Variants in PIGN observed in about 807,000 individuals in gnomAD.
The protein encoded by PIGN is phosphatidylinositol glycan anchor biosynthesis class N.
Under a neutral mutation model 125.4 loss-of-function variants are expected in PIGN, and 117 were observed. The ratio of observed to expected loss-of-function variants is 0.93; its 90% CI spans 0.80 to 1.09. PIGN has a LOEUF of 1.09. PIGN is among the 50% of genes least tolerant of loss of function. The pLI, the probability that PIGN is intolerant of heterozygous loss-of-function variation, is 0.00. For synonymous variants in PIGN, 392 were observed against 377.8 expected, an observed-to-expected ratio of 1.04 and a Z score of -0.44; for missense variants, 1,075 against 1,094.9, an observed-to-expected ratio of 0.98 and a Z score of 0.26.
At position 62,133,666 on chromosome 18, in the gene PIGN, T is replaced by C. The variant is rs145953571; in HGVS notation, c.1172+4577A>G. 2.8e-3 allele frequency among the ~76,000 whole-genome samples: 430 copies of C among 152,308 alleles called. 3 individuals carry two copies. Among genetic ancestry groups the C allele is most frequent in the African/African-American group, 9.8e-3 (406 of 41,574 alleles). ...AAATTTGACAGTTTTCTTTACAATA[T>C]ACATTTCTCATTATTTTATTGCTGG... On this transcript the variant is annotated intron_variant, in intron 14 of 30. Coordinates refer to ENST00000640252, the MANE Select transcript of PIGN (RefSeq NM_176787.5).
chr18:62,083,262 T>C (rs1353196307), intron 27 of PIGN, among the ~76,000 whole-genome samples: 2 of 152,122 alleles, frequency 1.3e-5, no homozygotes, highest in Non-Finnish European at 2.9e-5. Flanking sequence ...ATAACAAATA[T>C]GAAAAAATTT....
intron 24 of PIGN, among the ~76,000 whole-genome samples, chr18:62,089,188 G>A (rs1233630647): frequency 1.3e-5 from 2 of 152,082 alleles, no homozygotes; most frequent in African/African-American, 4.8e-5. Context: ...TTCTCAGAGT[G>A]TCCTGATCAT....
Position 62,088,828 on chromosome 18 carries a change from C to A in PIGN, c.2298G>T (p.Gln766His). Residue 766 changes from glutamine to histidine, a missense_variant, in exon 25 of 31, where the codon CAG becomes CAT. Transcript: ENST00000640252. The part of the protein sequence containing the change: ...VCCKQKLTSI[Q>H]FSYNTDITQF... ...GAGTTATATCAGTATTATAAGAGAA[C>A]TGGATACTGGTGAGCTGTGAGATAA... 2.6e-6 allele frequency: 4 copies of A among 1,540,162 alleles called. No homozygotes were observed. Among genetic ancestry groups the A allele is most frequent in the Non-Finnish European group, 3.5e-6 (4 of 1,132,750 alleles).
At chr18:62,129,986 C>T (rs748175056) in intron 14 of PIGN, among the ~76,000 whole-genome samples, 9 of 152,038 alleles carry the variant, frequency 5.9e-5, no homozygotes, top group Admixed American at 1.3e-4. Flanking sequence ...AGAGGGAGAT[C>T]TGGAGACAGA....
At chr18:62,020,523 G>T (rs1476156239) in intron 23 of PIGN, among the ~76,000 whole-genome samples, 19 of 150,198 alleles carry the variant, frequency 1.3e-4, no homozygotes, top group Non-Finnish European at 1.5e-5. Context: ...TTTTTTTAAT[G>T]GACTAAAGAT....
chr18:62,071,882 A>ATG (rs1568142226), intron 30 of PIGN, among the ~76,000 whole-genome samples: 31 of 109,624 alleles, frequency 2.8e-4, no homozygotes, highest in African/African-American at 1.2e-3. Context: ...ATATATATAT[A>ATG]TATATATATA....
chr18:62,122,238 T>A (rs1317680365), intron 14 of PIGN, among the ~76,000 whole-genome samples: 1 of 152,072 alleles, frequency 6.6e-6, no homozygotes, highest in African/African-American at 2.4e-5. Flanking sequence ...TTTAAGGTAA[T>A]GGACATCCAA....
intron 23 of PIGN, among the ~76,000 whole-genome samples, chr18:62,029,705 C>G (rs1367571806): frequency 1.3e-5 from 2 of 152,254 alleles, no homozygotes; most frequent in East Asian, 1.9e-4. Context: ...GGAATAGGAA[C>G]AGAGAGAGCA....
At chr18:62,072,539 T>C (rs2032939407) in intron 30 of PIGN, 134 bp downstream of exon 30, 1 of 652,728 alleles carries the variant, frequency 1.5e-6, no homozygotes, top group Non-Finnish European at 2.7e-6. Context: ...ATATCCTAGG[T>C]GTGTTGTAGG....
intron 30 of PIGN, 82 bp downstream of exon 30, chr18:62,072,591 G>T: frequency 2.8e-6 from 3 of 1,061,360 alleles, no homozygotes; most frequent in Non-Finnish European, 4.2e-6. Context: ...TGTGATGTTT[G>T]CACAGTGAAG....
In PIGN at chr18:62,078,309, A is replaced by C. The variant is rs138983872; in HGVS notation, c.2577-3488T>G. Among the ~76,000 whole-genome samples, 36 of 152,344 alleles carry C rather than the reference A, an allele frequency of 2.4e-4. 1 individual carries two copies. Among genetic ancestry groups the C allele is most frequent in the African/African-American group, 7.0e-4 (29 of 41,584 alleles). On this transcript the variant is annotated intron_variant, in intron 28 of 30. Transcript: ENST00000640252. ...CCTGAACTAAGTCTTAATTAAAAGG[A>C]AGGAAAATGATTTTCCAGAGCAAAT...
intron 30 of PIGN, among the ~76,000 whole-genome samples, chr18:62,061,180 C>T (rs1308177287): frequency 2.6e-5 from 4 of 152,120 alleles, no homozygotes; most frequent in Non-Finnish European, 5.9e-5. Flanking sequence ...TGCCTATAAA[C>T]AGATATACTA....
intron 23 of PIGN, among the ~76,000 whole-genome samples, chr18:62,027,512 C>T (rs1156576001): frequency 1.3e-5 from 2 of 152,112 alleles, no homozygotes; most frequent in Admixed American, 6.5e-5. Flanking sequence ...GAAGCAAAAG[C>T]GGGACAACTC....
intron 28 of PIGN, among the ~76,000 whole-genome samples, chr18:62,080,778 A>C (rs2033412278): frequency 6.6e-6 from 1 of 152,162 alleles, no homozygotes; most frequent in African/African-American, 2.4e-5. Flanking sequence ...TCCAGACTCC[A>C]TGTGACGTGA....
intron 1 of PIGN, among the ~76,000 whole-genome samples, chr18:62,178,522 C>A (rs1238407474): frequency 6.6e-6 from 1 of 151,120 alleles, no homozygotes; most frequent in Admixed American, 6.6e-5. Context: ...GTAGTCCCAG[C>A]TACTTAGGAG....
chr18:62,090,757 T>A (rs1023258545), intron 23 of PIGN, among the ~76,000 whole-genome samples, 179 bp from the exon 24 acceptor site: 1 of 152,156 alleles, frequency 6.6e-6, no homozygotes, highest in African/African-American at 2.4e-5. Flanking sequence ...TCCAACATCA[T>A]CTTTTTTGAG....
chr18:62,142,190 C>G (rs551104312), intron 11 of PIGN, among the ~76,000 whole-genome samples: 4 of 152,336 alleles, frequency 2.6e-5, no homozygotes, highest in Admixed American at 1.3e-4. Flanking sequence ...TCTGCCTTAA[C>G]TCACCACTAA....
Position 62,107,189 on chromosome 18 carries a change from T to C in PIGN, c.1575-104A>G, listed in dbSNP as rs1406709520. 24 of 734,078 alleles carry C rather than the reference T, an allele frequency of 3.3e-5. 1 individual carries two copies. Among genetic ancestry groups the C allele is most frequent in the South Asian group, 8.6e-5 (5 of 58,004 alleles). 45.5% of individuals were successfully genotyped at this position (734,078 alleles called of 1,614,324 possible). A position where few individuals can be genotyped will look rare whatever the true frequency, so the allele number is the denominator to read the frequency against. The stretch of plus-strand genomic sequence containing the variant: ...AAAACACTACATAATTTTCCATTTA[T>C]AGATTATTCAAAAACTAAAATAAGC... On this transcript the variant is annotated intron_variant, in intron 17 of 30. Coordinates refer to ENST00000640252, the MANE Select transcript of PIGN (RefSeq NM_176787.5).
chr18:62,141,102 A>T (rs1307917783), intron 11 of PIGN, among the ~76,000 whole-genome samples: 1 of 152,162 alleles, frequency 6.6e-6, no homozygotes, highest in Non-Finnish European at 1.5e-5. Context: ...GCTCTCTCTA[A>T]GAGAGCTAAC....
Sources: gnomAD v4.1 joint callset for allele counts (sites outside exome capture counted in the v4.1 genomes callset) on GRCh38, gnomAD v4.1.1 for gene constraint, MANE v1.5 for transcripts, NCBI Gene and HGNC (gene_info 2026-07-23, HGNC 2026-07-21) for gene names.